Variants in IQGAP2 observed in about 807,000 individuals in gnomAD.
The protein encoded by IQGAP2 is IQ motif containing GTPase activating protein 2.
A neutral mutation model predicts 201.3 loss-of-function variants in IQGAP2; 173 were observed. That is an observed-to-expected ratio of 0.86 (90% CI 0.76 to 0.98). The LOEUF (loss-of-function observed/expected upper bound fraction) is 0.98, where lower values mean the gene tolerates loss of function less well. Ranked by LOEUF, IQGAP2 falls within the 50% of genes least tolerant of loss-of-function variation. The pLI is 0.00. For missense variants in IQGAP2, 1,687 were observed against 1,864.8 expected, an observed-to-expected ratio of 0.90 and a Z score of 1.76; for synonymous variants, 675 against 673.9, an observed-to-expected ratio of 1.00 and a Z score of -0.03.
At position 76,608,531 on chromosome 5, in the gene IQGAP2, G is replaced by A. The variant is rs143736521; in HGVS notation, c.1357+2228G>A. ...GTAATTAAGTCATCTGAGGAGCTGA[G>A]AATTTTTCATGGACGTTTTGAAGGT... On this transcript the variant is annotated intron_variant, in intron 12 of 35. Coordinates refer to ENST00000274364, the MANE Select transcript of IQGAP2 (RefSeq NM_006633.5). Among the ~76,000 whole-genome samples the A allele has an allele frequency of 2.5e-3, 383 of 152,278 alleles. 2 individuals carry two copies. Among genetic ancestry groups the A allele is most frequent in the African/African-American group, 8.9e-3 (369 of 41,560 alleles).
chr5:76,580,997 CTG>C (rs1472184192), intron 5 of IQGAP2, among the ~76,000 whole-genome samples: 1 of 152,242 alleles, frequency 6.6e-6, no homozygotes, highest in Non-Finnish European at 1.5e-5. Flanking sequence ...TGCCTCTCCT[CTG>C]TGATAGGATT....
At chr5:76,574,482 C>T (rs1224827592) in intron 4 of IQGAP2, among the ~76,000 whole-genome samples, 1 of 143,950 alleles carries the variant, frequency 6.9e-6, no homozygotes, top group Non-Finnish European at 1.5e-5. Context: ...GTTGGCCAGG[C>T]TGGTTTTGAA....
At chr5:76,686,309 T>A (rs74833974) in intron 30 of IQGAP2, among the ~76,000 whole-genome samples, 5 of 150,766 alleles carry the variant, frequency 3.3e-5, no homozygotes, top group East Asian at 1.9e-4. Context: ...TTTTTTTTTT[T>A]ATTTTGATGA....
At chr5:76,421,736 A>G (rs1751741491) in intron 1 of IQGAP2, among the ~76,000 whole-genome samples, 1 of 152,210 alleles carries the variant, frequency 6.6e-6, no homozygotes, top group African/African-American at 2.4e-5. Context: ...GAATTTTTAA[A>G]GTTTTTGATT....
chr5:76,699,998 G>A (rs1747216144), intron 33 of IQGAP2, among the ~76,000 whole-genome samples: 2 of 135,358 alleles, frequency 1.5e-5, no homozygotes, highest in Non-Finnish European at 1.6e-5. Flanking sequence ...CACTAAATAT[G>A]TATATACACA....
intron 28 of IQGAP2, among the ~76,000 whole-genome samples, chr5:76,681,264 A>T (rs958939710): frequency 1.3e-5 from 2 of 152,132 alleles, no homozygotes; most frequent in African/African-American, 4.8e-5. Context: ...ATCAAAGGAC[A>T]TAATCAACTG....
intron 14 of IQGAP2, among the ~76,000 whole-genome samples, chr5:76,629,188 C>A (rs2431359): frequency 6.6e-6 from 1 of 152,150 alleles, no homozygotes; most frequent in Non-Finnish European, 1.5e-5. Context: ...CTTAAAGAGC[C>A]GATATACTTT....
chr5:76,707,502 C>T lies in IQGAP2; in HGVS notation c.*189C>T. 1 of 562,100 alleles carries T rather than the reference C, an allele frequency of 1.8e-6. No homozygotes were observed. The highest frequency in any genetic ancestry group is 3.3e-5 in the Admixed American group (1 of 30,184). 34.8% of individuals were successfully genotyped at this position (562,100 alleles called of 1,614,324 possible). A position where few individuals can be genotyped will look rare whatever the true frequency, so the allele number is the denominator to read the frequency against. On this transcript the variant is annotated 3_prime_UTR_variant, in exon 36 of 36. Coordinates refer to ENST00000274364, the MANE Select transcript of IQGAP2 (RefSeq NM_006633.5). ...AATTTGATACTATAATAGAATGAGA[C>T]ATAAAATGAATTAATGGAAACATAT...
chr5:76,585,617 C>A (rs1280713499), intron 5 of IQGAP2, among the ~76,000 whole-genome samples: 1 of 151,732 alleles, frequency 6.6e-6, no homozygotes, highest in Non-Finnish European at 1.5e-5. Flanking sequence ...TGGGTTCAAG[C>A]GATTCTCCTG....
At chr5:76,609,837 A>G (rs1748122609) in intron 12 of IQGAP2, among the ~76,000 whole-genome samples, 1 of 127,090 alleles carries the variant, frequency 7.9e-6, no homozygotes, top group African/African-American at 3.2e-5. Context: ...TGTTTTATAT[A>G]TATATGTGTG....
At chr5:76,503,593 A>T (rs1020547323) in intron 2 of IQGAP2, among the ~76,000 whole-genome samples, 1 of 149,612 alleles carries the variant, frequency 6.7e-6, no homozygotes, top group East Asian at 2.0e-4. Flanking sequence ...TTTTTTAAAA[A>T]TTTTATTTAT....
At position 76,695,683 on chromosome 5, in the gene IQGAP2, T is replaced by C; in HGVS notation, c.4206+17T>C. ...ATTGCCAAGGTTTTTGGAAACAGTA[T>C]TCTTTCTTCCTTCACTTAGCAGACA... On this transcript the variant is annotated intron_variant, in intron 32 of 35. Coordinates refer to ENST00000274364, the MANE Select transcript of IQGAP2 (RefSeq NM_006633.5). 1 of 1,598,950 alleles carries C rather than the reference T, an allele frequency of 6.3e-7. No homozygotes were observed. The highest frequency in any genetic ancestry group is 8.6e-7 in the Non-Finnish European group (1 of 1,166,612).
chr5:76,587,387 G>T (rs1300273829), intron 5 of IQGAP2, among the ~76,000 whole-genome samples: 2 of 152,240 alleles, frequency 1.3e-5, no homozygotes, highest in Admixed American at 1.3e-4. Context: ...ATGTAAGTAG[G>T]TTTATTAAGC....
At chr5:76,578,502 C>T (rs1455804153) in intron 5 of IQGAP2, among the ~76,000 whole-genome samples, 5 of 152,024 alleles carry the variant, frequency 3.3e-5, no homozygotes, top group African/African-American at 4.8e-5. Context: ...TTAGTAGAGA[C>T]GGGGTTTCAC....
chr5:76,651,373 A>G (rs461475), intron 17 of IQGAP2, among the ~76,000 whole-genome samples: 75,807 of 152,100 alleles, frequency 0.5, 19,355 homozygotes, highest in Non-Finnish European at 0.56. Context: ...AGGCCAAGGT[A>G]GGGTGGATTG....
chr5:76,549,367 A>G (rs1012329403), intron 2 of IQGAP2, among the ~76,000 whole-genome samples: 1 of 151,224 alleles, frequency 6.6e-6, no homozygotes, highest in Non-Finnish European at 1.5e-5. Flanking sequence ...ATTGTGTTAG[A>G]TGCCTCTCAA....
chr5:76,433,330 G>A (rs1279717851), intron 1 of IQGAP2, among the ~76,000 whole-genome samples: 2 of 152,126 alleles, frequency 1.3e-5, no homozygotes, highest in Non-Finnish European at 2.9e-5. Flanking sequence ...TTAGATTTAA[G>A]TCTTTGATCC....
Position 76,640,994 on chromosome 5 carries a change from A to G in IQGAP2, c.1985A>G (p.Glu662Gly), listed in dbSNP as rs111675976. ...IRENIWSASE[E>G]LLLRFQATSS... ...GAGAATATATGGTCTGCTTCAGAAG[A>G]GTTGCTTCTTCGCTTTCAAGCCACA... Residue 662 changes from glutamate to glycine, a missense_variant, in exon 17 of 36, where the codon GAG (glutamate) becomes GGG (glycine). Transcript: ENST00000274364. 1 of 1,610,340 alleles carries G rather than the reference A, an allele frequency of 6.2e-7. No individual in the cohort carries two copies. The highest frequency in any genetic ancestry group is 8.5e-7 in the Non-Finnish European group (1 of 1,176,860).
intron 22 of IQGAP2, 78 bp from the exon 23 acceptor site, chr5:76,668,603 C>G: frequency 8.5e-7 from 1 of 1,176,988 alleles, no homozygotes; most frequent in Non-Finnish European, 1.2e-6. Context: ...GAATCAGATA[C>G]TGCTTTGTGC....
Sources: allele counts gnomAD v4.1 joint callset (sites outside exome capture counted in the v4.1 genomes callset), GRCh38; gene constraint gnomAD v4.1.1; transcripts MANE v1.5; gene names NCBI Gene and HGNC (gene_info 2026-07-23, HGNC 2026-07-21).